CPNE4: variants seen among roughly 807,000 people sequenced by gnomAD.
CPNE4 encodes the protein copine-4.
Under a neutral mutation model 67.9 loss-of-function variants are expected in CPNE4, and 25 were observed. That is an observed-to-expected ratio of 0.37 (90% CI 0.27 to 0.51). The LOEUF is 0.51. CPNE4 is among the 20% of genes least tolerant of loss of function. The pLI, the probability that CPNE4 is intolerant of heterozygous loss-of-function variation, is 0.93. For missense variants in CPNE4, 464 were observed against 690.8 expected, an observed-to-expected ratio of 0.67 and a Z score of 3.68; for synonymous variants, 242 against 244.9, an observed-to-expected ratio of 0.99 and a Z score of 0.11.
intron 1 of CPNE4, among the ~76,000 whole-genome samples, chr3:131,973,282 C>T (rs995995972): frequency 2.6e-4 from 40 of 152,244 alleles, no homozygotes; most frequent in African/African-American, 8.4e-4. Context: ...CCTGTCATTT[C>T]AAAGTTCTAC....
chr3:131,639,003 G>C (rs61575491), intron 7 of CPNE4, among the ~76,000 whole-genome samples: 2,167 of 152,158 alleles, frequency 0.014, 56 homozygotes, highest in African/African-American at 0.05. Context: ...CTCTGGGATA[G>C]AGCAAAAGCA....
At chr3:131,879,373 A>G (rs186632124) in intron 2 of CPNE4, among the ~76,000 whole-genome samples, 3 of 152,192 alleles carry the variant, frequency 2.0e-5, no homozygotes, top group African/African-American at 7.2e-5. Flanking sequence ...AAATCTCAAC[A>G]CGTAAAAGAA....
chr3:132,020,859 A>T (rs1157283309), intron 1 of CPNE4, among the ~76,000 whole-genome samples: 2 of 152,222 alleles, frequency 1.3e-5, no homozygotes, highest in East Asian at 3.8e-4. Flanking sequence ...GGAAGTCTCA[A>T]ATGTTGCTGA....
chr3:131,885,854 G>C (rs2087863777), intron 2 of CPNE4, among the ~76,000 whole-genome samples: 1 of 152,174 alleles, frequency 6.6e-6, no homozygotes, highest in South Asian at 2.1e-4. Flanking sequence ...TTTCTAAGCA[G>C]CAAAGCATTC....
At chr3:131,649,004 A>C (rs889972738) in intron 7 of CPNE4, among the ~76,000 whole-genome samples, 2 of 152,178 alleles carry the variant, frequency 1.3e-5, no homozygotes, top group African/African-American at 4.8e-5. Context: ...TTTCCTCCTT[A>C]ACTCTATGTC....
Position 131,864,174 on chromosome 3 carries a change from G to A in CPNE4, c.180+41090C>T, listed in dbSNP as rs574337143. On this transcript the variant is annotated intron_variant, in intron 2 of 15. Transcript: ENST00000429747. Reference sequence around the variant, plus strand: ...AGCTTTGTTCTTTTGGCTTAGGCTTGACTTGGCAATGCGGGCTCTTTTTTG... The same window carrying A: ...AGCTTTGTTCTTTTGGCTTAGGCTTAACTTGGCAATGCGGGCTCTTTTTTG... Among the ~76,000 whole-genome samples, 22 of 151,340 alleles carry A rather than the reference G, an allele frequency of 1.5e-4. No individual in the cohort carries two copies. The South Asian group carries it at 4.4e-3, about 30-fold the overall frequency.
At chr3:132,013,451 A>G (rs1482911887) in intron 1 of CPNE4, among the ~76,000 whole-genome samples, 1 of 152,220 alleles carries the variant, frequency 6.6e-6, no homozygotes, top group African/African-American at 2.4e-5. Context: ...ATCCGTAACC[A>G]ATAGACAGCA....
chr3:131,707,043 T>C (rs149119793), intron 3 of CPNE4, among the ~76,000 whole-genome samples: 69 of 152,346 alleles, frequency 4.5e-4, no homozygotes, highest in African/African-American at 1.3e-3. Flanking sequence ...TCGTGGGCCA[T>C]TGGGCACTCA....
chr3:132,016,007 A>G (rs2073882062), intron 1 of CPNE4, among the ~76,000 whole-genome samples: 2 of 152,372 alleles, frequency 1.3e-5, no homozygotes, highest in Middle Eastern at 3.4e-3. Context: ...GAAAACATCC[A>G]AAAACACAGG....
In CPNE4 at chr3:131,535,348, C is replaced by G. The variant is rs1935076664; in HGVS notation, c.1540-19G>C. 3 of 1,603,540 alleles carry G rather than the reference C, an allele frequency of 1.9e-6. No individual in the cohort carries two copies. The highest frequency in any genetic ancestry group is 1.3e-5 in the African/African-American group (1 of 74,560). On this transcript the variant is annotated intron_variant, in intron 15 of 15. Coordinates refer to ENST00000429747, the MANE Select transcript of CPNE4 (RefSeq NM_130808.3). ...GAGATGCCTGCAGGGAAGAAGAAAT[C>G]ATCATGACGTTGGCTTCTGGTCAAG...
At chr3:131,863,229 T>C (rs1433752474) in intron 2 of CPNE4, among the ~76,000 whole-genome samples, 1 of 152,196 alleles carries the variant, frequency 6.6e-6, no homozygotes, top group Non-Finnish European at 1.5e-5. Flanking sequence ...TACCCAGTAA[T>C]GGGATGGCTG....
Position 132,034,576 on chromosome 3 carries a change from C to T in CPNE4, c.-11G>A. ...GTTGGCATTTACTTACCTGGGTGTG[C>T]CAATCTCGAAGAGTGGAGAGAGAAT... On this transcript the variant is annotated 5_prime_UTR_variant, in exon 1 of 16. Coordinates refer to ENST00000429747, the MANE Select transcript of CPNE4 (RefSeq NM_130808.3). 3 of 985,276 alleles carry T rather than the reference C, an allele frequency of 3.0e-6. No homozygotes were observed. The highest frequency in any genetic ancestry group is 2.4e-6 in the Non-Finnish European group (2 of 829,796). 61.0% of individuals were successfully genotyped at this position (985,276 alleles called of 1,614,324 possible).
chr3:132,021,920 T>C (rs2074005994), intron 1 of CPNE4, among the ~76,000 whole-genome samples: 1 of 152,200 alleles, frequency 6.6e-6, no homozygotes, highest in African/African-American at 2.4e-5. Context: ...CAAAGTGGAA[T>C]AGAAGTTTCG....
intron 6 of CPNE4, among the ~76,000 whole-genome samples, chr3:131,677,844 A>G (rs1315000422): frequency 6.6e-6 from 1 of 152,154 alleles, no homozygotes; most frequent in Non-Finnish European, 1.5e-5. Context: ...GCCATGTAAT[A>G]TAGTTTGAAA....
intron 3 of CPNE4, among the ~76,000 whole-genome samples, chr3:131,711,698 G>A (rs2107723668): frequency 6.6e-6 from 1 of 152,244 alleles, no homozygotes; most frequent in African/African-American, 2.4e-5. Flanking sequence ...AGACTCGTGG[G>A]AATGCTTTTG....
chr3:131,869,838 C>A (rs548044886), intron 2 of CPNE4, among the ~76,000 whole-genome samples: 20 of 152,246 alleles, frequency 1.3e-4, no homozygotes, highest in African/African-American at 4.8e-4. Flanking sequence ...ACATACCAGG[C>A]TGTCTGTTTG....
chr3:131,919,143 G>A (rs1201503686), intron 1 of CPNE4, among the ~76,000 whole-genome samples: 1 of 152,144 alleles, frequency 6.6e-6, no homozygotes, highest in African/African-American at 2.4e-5. Flanking sequence ...GTATATCAAG[G>A]TGACCTTCAG....
At chr3:131,701,875 T>C (rs1401696218) in intron 3 of CPNE4, among the ~76,000 whole-genome samples, 1 of 152,228 alleles carries the variant, frequency 6.6e-6, no homozygotes, top group Non-Finnish European at 1.5e-5. Flanking sequence ...GCTTTTGAAG[T>C]ACTTTTTTTA....
intron 2 of CPNE4, among the ~76,000 whole-genome samples, chr3:131,730,720 C>T (rs954176590): frequency 6.6e-6 from 1 of 152,108 alleles, no homozygotes; most frequent in African/African-American, 2.4e-5. Context: ...TCTTGTTCCT[C>T]AGCACAAGCC....
Sources: allele counts gnomAD v4.1 joint callset (sites outside exome capture counted in the v4.1 genomes callset), GRCh38; gene constraint gnomAD v4.1.1; transcripts MANE v1.5; gene names NCBI Gene and HGNC (gene_info 2026-07-23, HGNC 2026-07-21).